ZNF236: variants seen among roughly 807,000 people sequenced by gnomAD.
The protein encoded by ZNF236 is regulated by glucose.
A neutral mutation model predicts 191.2 loss-of-function variants in ZNF236; 50 were observed. The observed-to-expected ratio is 0.26, with a 90% confidence interval of 0.21 to 0.33. The LOEUF (loss-of-function observed/expected upper bound fraction) is 0.33. Among genes scored for constraint, ZNF236 ranks in the 10% least tolerant of loss-of-function variants. The pLI, the probability that ZNF236 is intolerant of heterozygous loss-of-function variation, is 1.00. For synonymous variants in ZNF236, 907 were observed against 928.8 expected (o/e 0.98, Z 0.43); for missense variants, 1,754 against 2,374.5 (o/e 0.74, Z 5.43).
In ZNF236 at chr18:76,875,212, T is replaced by TTTGCCTGATCCCCTGGAAGGATGGCA. The variant is rs557282291; in HGVS notation, c.668-246_668-221dup. 1.4e-4 allele frequency among the ~76,000 whole-genome samples: 22 copies of TTTGCCTGATCCCCTGGAAGGATGGCA among 152,168 alleles called. No homozygotes were observed. The highest frequency in any genetic ancestry group is 2.1e-4 in the South Asian group (1 of 4,816). ...AAAGATAAGGATGACTCCAAGGTTT[T>TTTGCCTGATCCCCTGGAAGGATGGCA]TTGCCTGATCCCCTGGAAGGATGGC... On this transcript the variant is annotated intron_variant, in intron 5 of 30. Transcript: ENST00000320610. The surrounding 1 kb of genome is among the most constrained non-coding windows in gnomAD (Gnocchi z 4.3).
chr18:76,948,579 A>G (rs1968326265), intron 27 of ZNF236, among the ~76,000 whole-genome samples: 1 of 152,184 alleles, frequency 6.6e-6, no homozygotes. Context: ...CAGCGGAAGG[A>G]AAAGGCACGT....
At chr18:76,826,614 A>G (rs569121144) in intron 1 of ZNF236, among the ~76,000 whole-genome samples, 6 of 146,376 alleles carry the variant, frequency 4.1e-5, no homozygotes, top group South Asian at 2.2e-4. Context: ...CCCATGGTGA[A>G]ACCCCAGCCG....
intron 26 of ZNF236, among the ~76,000 whole-genome samples, chr18:76,939,518 G>C (rs1182464698): frequency 6.6e-6 from 1 of 152,170 alleles, no homozygotes; most frequent in Non-Finnish European, 1.5e-5. Flanking sequence ...CAGGCAGTGG[G>C]CAGGGGGAGG....
intron 1 of ZNF236, among the ~76,000 whole-genome samples, chr18:76,840,506 A>C (rs1975449511): frequency 6.6e-6 from 1 of 151,874 alleles, no homozygotes; most frequent in Non-Finnish European, 1.5e-5. Context: ...AAAAAAAAAG[A>C]AAAAGAGGGA....
rs147065506 is a variant in ZNF236, at chr18:76,832,581, T to G, written c.55+9919T>G. Among the ~76,000 whole-genome samples, 908 of 152,262 alleles carry G rather than the reference T, an allele frequency of 6.0e-3. 6 individuals are homozygous for G. The highest frequency in any genetic ancestry group is 9.0e-3 in the Non-Finnish European group (613 of 68,030). ...CTTACTCTTTTCCACTGTTTTTTTT[T>G]TTGTTGTTGTTCCTGGCTAGTCAGT... On this transcript the variant is annotated intron_variant, in intron 1 of 30. Coordinates refer to ENST00000320610, the MANE Select transcript of ZNF236 (RefSeq NM_001306089.2).
In ZNF236 at chr18:76,875,262, G is replaced by A. The variant is rs1439188870; in HGVS notation, c.668-230G>A. 1.3e-5 allele frequency among the ~76,000 whole-genome samples: 2 copies of A among 152,194 alleles called. No individual in the cohort carries two copies. The highest frequency in any genetic ancestry group is 2.9e-5 in the Non-Finnish European group (2 of 68,034). ...CATTGCCTGATCCCCTGGAAGGATG[G>A]CATTGCCTGGGGAAGCCCACAGGTG... On this transcript the variant is annotated intron_variant, in intron 5 of 30. Coordinates refer to ENST00000320610, the MANE Select transcript of ZNF236 (RefSeq NM_001306089.2). This position sits in a 1 kb window ranked among gnomAD's most constrained non-coding sequence, Gnocchi z 4.3.
intron 13 of ZNF236, 120 bp downstream of exon 13, chr18:76,905,535 A>T: frequency 1.2e-6 from 1 of 820,818 alleles, no homozygotes; most frequent in Non-Finnish European, 1.8e-6. Context: ...CTCATACTAT[A>T]TGGGCTCAAG....
At chr18:76,839,290 T>C (rs941704093) in intron 1 of ZNF236, among the ~76,000 whole-genome samples, 3 of 152,240 alleles carry the variant, frequency 2.0e-5, no homozygotes, top group Admixed American at 1.3e-4. Context: ...TTAGCTTTAG[T>C]TGATGCTGCT....
intron 25 of ZNF236, chr18:76,931,349 T>C (rs1183009233): frequency 6.6e-6 from 1 of 152,200 alleles, no homozygotes; most frequent in East Asian, 1.9e-4. Context: ...GCGTCATGCT[T>C]TGTCACATGG....
chr18:76,873,362 AG>A (rs1049995863), intron 5 of ZNF236, among the ~76,000 whole-genome samples: 4 of 152,162 alleles, frequency 2.6e-5, no homozygotes, highest in African/African-American at 9.7e-5. Context: ...TCACATACTT[AG>A]GTGTCATTTT....
chr18:76,851,115 A>T (rs934155424), intron 2 of ZNF236, among the ~76,000 whole-genome samples: 3 of 110,294 alleles, frequency 2.7e-5, no homozygotes, highest in Admixed American at 9.8e-5. Flanking sequence ...GGAAGAAAAC[A>T]TTGAGAATAC....
intron 25 of ZNF236, among the ~76,000 whole-genome samples, chr18:76,931,511 T>C (rs1353268589): frequency 6.6e-6 from 1 of 152,230 alleles, no homozygotes; most frequent in African/African-American, 2.4e-5. Context: ...TTATACAAGT[T>C]AGCATGTTAA....
At chr18:76,857,197 T>A (rs898436728) in intron 3 of ZNF236, among the ~76,000 whole-genome samples, 19 of 152,176 alleles carry the variant, frequency 1.2e-4, no homozygotes, top group African/African-American at 4.6e-4. Flanking sequence ...AGTTCCTGTG[T>A]GTGCTCCTTC....
intron 1 of ZNF236, chr18:76,834,702 C>CT (rs1975270567): frequency 2.2e-6 from 1 of 447,004 alleles, no homozygotes; most frequent in Admixed American, 2.4e-5. Context: ...GTTTGCTGAC[C>CT]TTTATAGTGT....
At chr18:76,936,801 G>A (rs1009279943) in intron 25 of ZNF236, among the ~76,000 whole-genome samples, 6 of 152,148 alleles carry the variant, frequency 3.9e-5, no homozygotes, top group Non-Finnish European at 7.3e-5. Flanking sequence ...TCTTCAGCTG[G>A]TCTCTTTGGT....
At chr18:76,937,451 C>T in intron 26 of ZNF236, 108 bp downstream of exon 26, 1 of 1,104,098 alleles carries the variant, frequency 9.1e-7, no homozygotes. Flanking sequence ...TTTTTTTCCC[C>T]AAAATCGAAG....
At chr18:76,823,180 G>A (rs567977390) in intron 1 of ZNF236, among the ~76,000 whole-genome samples, 1 of 152,168 alleles carries the variant, frequency 6.6e-6, no homozygotes, top group African/African-American at 2.4e-5. Context: ...CGGCCCACAG[G>A]GAGGCCGTGG....
intron 1 of ZNF236, among the ~76,000 whole-genome samples, chr18:76,829,841 T>C (rs1445335113): frequency 1.3e-5 from 2 of 152,090 alleles, no homozygotes; most frequent in Non-Finnish European, 2.9e-5. Flanking sequence ...TCCTGGCTTC[T>C]GATACGACAT....
At chr18:76,881,953 A>G (rs1976914264) in intron 9 of ZNF236, among the ~76,000 whole-genome samples, 1 of 150,756 alleles carries the variant, frequency 6.6e-6, no homozygotes, top group Non-Finnish European at 1.5e-5. Context: ...TCATCAAAGG[A>G]CCCCTGCAGC....
Sources: gnomAD v4.1 joint callset for allele counts (sites outside exome capture counted in the v4.1 genomes callset) on GRCh38, gnomAD v4.1.1 for gene constraint, Gnocchi (gnomAD v3.1) non-coding constraint, MANE v1.5 for transcripts, NCBI Gene and HGNC (gene_info 2026-07-23, HGNC 2026-07-21) for gene names.